KCTD1: variants seen among roughly 807,000 people sequenced by gnomAD.
KCTD1 encodes the protein BTB/POZ domain-containing protein KCTD1.
KCTD1 carries 24 observed loss-of-function variants against 66.0 expected under a neutral mutation model. The ratio of observed to expected loss-of-function variants is 0.36; its 90% confidence interval spans 0.26 to 0.51. The LOEUF (loss-of-function observed/expected upper bound fraction) is 0.51, where lower values mean the gene tolerates loss of function less well. KCTD1 is among the 20% of genes least tolerant of loss of function. The pLI, the probability that KCTD1 is intolerant of heterozygous loss-of-function variation, is 0.95. For missense variants in KCTD1, 943 were observed against 1,205.2 expected, an observed-to-expected ratio of 0.78 and a Z score of 3.22; for synonymous variants, 511 against 517.2, an observed-to-expected ratio of 0.99 and a Z score of 0.16.
intron 1 of KCTD1, among the ~76,000 whole-genome samples, chr18:26,553,920 C>G (rs1985637770): frequency 6.6e-6 from 1 of 150,584 alleles, no homozygotes; most frequent in Non-Finnish European, 1.5e-5. Flanking sequence ...CATGCTTGAA[C>G]CACTTGACCA....
intron 1 of KCTD1, among the ~76,000 whole-genome samples, chr18:26,622,924 G>A (rs1249213622): frequency 6.6e-6 from 1 of 152,180 alleles, no homozygotes; most frequent in African/African-American, 2.4e-5. Flanking sequence ...AGGCCAACCA[G>A]GGAATGATTT....
upstream of KCTD1, among the ~76,000 whole-genome samples, chr18:26,631,569 G>C (rs1987618702): frequency 6.6e-6 from 1 of 152,186 alleles, no homozygotes; most frequent in Non-Finnish European, 1.5e-5. Context: ...ATGCATGACT[G>C]ACGGTACTTC....
chr18:26,605,395 G>T (rs1269414317), intron 1 of KCTD1, among the ~76,000 whole-genome samples: 2 of 152,040 alleles, frequency 1.3e-5, no homozygotes, highest in Non-Finnish European at 2.9e-5. Context: ...AGTCCTTATA[G>T]CTTCTCACCT....
chr18:26,646,821 A>G (rs970720252), intron 1 of KCTD1, among the ~76,000 whole-genome samples: 4 of 152,234 alleles, frequency 2.6e-5, no homozygotes, highest in Admixed American at 6.5e-5. Context: ...ATGCATTTTG[A>G]CATAAAGACA....
intron 1 of KCTD1, among the ~76,000 whole-genome samples, chr18:26,620,299 TA>T (rs1310880652): frequency 7.0e-6 from 1 of 143,070 alleles, no homozygotes; most frequent in Non-Finnish European, 1.5e-5. Context: ...GAGCTGTCCT[TA>T]TGAAATTCAA....
chr18:26,654,422 A>G (rs1213307180), intron 1 of KCTD1, among the ~76,000 whole-genome samples: 1 of 152,168 alleles, frequency 6.6e-6, no homozygotes, highest in African/African-American at 2.4e-5. Flanking sequence ...CATCAGAGTA[A>G]GTTGAATGGT....
At chr18:26,546,132 T>C (rs781204969) in intron 1 of KCTD1, among the ~76,000 whole-genome samples, 24 of 151,434 alleles carry the variant, frequency 1.6e-4, no homozygotes, top group Middle Eastern at 3.2e-3. Flanking sequence ...TTTATGGAAA[T>C]TGCACCCCAC....
At chr18:26,598,253 G>A (rs1236520195) in intron 1 of KCTD1, among the ~76,000 whole-genome samples, 2 of 152,120 alleles carry the variant, frequency 1.3e-5, no homozygotes, top group Non-Finnish European at 2.9e-5. Context: ...CGTTTACAAG[G>A]TTCATCCATA....
chr18:26,641,771 T>C (rs1157443355), upstream of KCTD1, among the ~76,000 whole-genome samples: 2 of 152,178 alleles, frequency 1.3e-5, no homozygotes, highest in Non-Finnish European at 2.9e-5. Flanking sequence ...TCAACCAGCC[T>C]TCTAGACAAC....
At chr18:26,548,766 A>G, upstream of KCTD1, 6 of 1,118,656 alleles carry the variant, frequency 5.4e-6, no homozygotes, top group Non-Finnish European at 4.4e-6. Context: ...GATAGGGTAA[A>G]GGACGGAGGC....
At chr18:26,550,565 G>GACACACACACACACAC (rs60922405), upstream of KCTD1, among the ~76,000 whole-genome samples, 228 of 140,570 alleles carry the variant, frequency 1.6e-3, 1 homozygote, top group East Asian at 4.6e-3. The surrounding 1 kb of genome is among the most constrained non-coding windows in gnomAD (Gnocchi z 5.4). Flanking sequence ...AAGACACACA[G>GACACACACACACACAC]ACACACACAC....
chr18:26,622,019 C>T (rs954832525), intron 1 of KCTD1, among the ~76,000 whole-genome samples: 5 of 152,160 alleles, frequency 3.3e-5, no homozygotes, highest in Admixed American at 6.5e-5. Context: ...GGATTCTAGT[C>T]CAGGTTTTCT....
At chr18:26,484,502 G>A (rs897795469) in intron 2 of KCTD1, among the ~76,000 whole-genome samples, 1 of 152,128 alleles carries the variant, frequency 6.6e-6, no homozygotes, top group Admixed American at 6.5e-5. Flanking sequence ...AGGGCCACTC[G>A]GGGGTAGCTG....
intron 2 of KCTD1, among the ~76,000 whole-genome samples, chr18:26,488,113 T>C (rs1367716978): frequency 6.6e-6 from 1 of 152,216 alleles, no homozygotes; most frequent in African/African-American, 2.4e-5. Flanking sequence ...TACTTGGAAA[T>C]ACAAACCATA....
rs550594260 is a variant in KCTD1 at position 26,597,940 on chromosome 18, C to G, written c.-16+31207G>C. Among the ~76,000 whole-genome samples the G allele has an allele frequency of 2.6e-5, 4 of 152,324 alleles. No individual in the cohort carries two copies. In the South Asian group the frequency reaches 8.3e-4, roughly 32 times the overall value. On this transcript the variant is annotated intron_variant, in intron 1 of 4. Coordinates refer to the KCTD1 transcript ENST00000317932. ...AAGTGCTGGGATTACAGGCGTGAGC[C>G]ACCGCACCTGGCCCTTGGCTTCTAG...
At chr18:26,460,083 G>GCATTCATTCATT (rs376911878) in intron 3 of KCTD1, among the ~76,000 whole-genome samples, 158 bp from the exon 4 acceptor site, 13 of 152,216 alleles carry the variant, frequency 8.5e-5, no homozygotes, top group African/African-American at 3.1e-4. Context: ...GGCTCAATTT[G>GCATTCATTCATT]CATTCATTCA....
chr18:26,608,912 T>G (rs1987074836), intron 1 of KCTD1, among the ~76,000 whole-genome samples: 1 of 152,230 alleles, frequency 6.6e-6, no homozygotes, highest in South Asian at 2.1e-4. Flanking sequence ...ATTTAATGCC[T>G]TTCATCAGAT....
chr18:26,574,049 T>C (rs1189231035), intron 1 of KCTD1, among the ~76,000 whole-genome samples: 1 of 152,156 alleles, frequency 6.6e-6, no homozygotes, highest in East Asian at 1.9e-4. Flanking sequence ...CCATACTTTG[T>C]GCCCCAGGTC....
intron 1 of KCTD1, among the ~76,000 whole-genome samples, chr18:26,540,876 T>C (rs1024650280): frequency 6.6e-6 from 1 of 152,062 alleles, no homozygotes; most frequent in African/African-American, 2.4e-5. Flanking sequence ...CTGCAGGGGG[T>C]TGGTGTCCCT....
Sources: allele counts gnomAD v4.1 joint callset (sites outside exome capture counted in the v4.1 genomes callset), GRCh38; gene constraint gnomAD v4.1.1; non-coding constraint Gnocchi (gnomAD v3.1); transcripts MANE v1.5; gene names NCBI Gene and HGNC (gene_info 2026-07-23, HGNC 2026-07-21).